The following TOMM20L variants were observed in gnomAD, a reference collection of about 807,000 sequenced individuals.
TOMM20L encodes translocase of outer mitochondrial membrane 20 like.
A neutral mutation model predicts 20.4 loss-of-function variants in TOMM20L; 19 were observed. The observed-to-expected ratio is 0.93, with a 90% CI of 0.65 to 1.36. The LOEUF (loss-of-function observed/expected upper bound fraction) is 1.36, where lower values mean the gene tolerates loss of function less well. Among genes scored for constraint, TOMM20L ranks in the 40% most tolerant of loss-of-function variants. The pLI, the probability that TOMM20L is intolerant of heterozygous loss-of-function variation, is 0.00. For missense variants in TOMM20L, 218 were observed against 203.7 expected, an observed-to-expected ratio of 1.07 and a Z score of -0.43; for synonymous variants, 75 against 79.6, an observed-to-expected ratio of 0.94 and a Z score of 0.30.
chr14:58,405,165 ACCATGTT>A lies in TOMM20L; in HGVS notation c.263-2160_263-2154del, dbSNP rs1458577508. Among the ~76,000 whole-genome samples, 3 of 152,062 alleles carry A rather than the reference ACCATGTT, an allele frequency of 2.0e-5. No homozygotes were observed. In the East Asian group the frequency reaches 5.8e-4, roughly 29 times the overall value. On this transcript the variant is annotated intron_variant, in intron 3 of 4. Coordinates refer to ENST00000360945, the MANE Select transcript of TOMM20L (RefSeq NM_207377.3). Reference sequence around the variant, plus strand: ...GTATTCTTAGTAGACACAGGGTTTCACCATGTTGGTCAGGCTGGTCTCAAACTCCTGG... The same window carrying A: ...GTATTCTTAGTAGACACAGGGTTTCAGGTCAGGCTGGTCTCAAACTCCTGG...
chr14:58,401,944 A>C (rs976824540), intron 2 of TOMM20L, among the ~76,000 whole-genome samples: 3 of 152,216 alleles, frequency 2.0e-5, no homozygotes, highest in Middle Eastern at 3.2e-3. Flanking sequence ...TTACTGCTAC[A>C]TGAACAGGTC....
chr14:58,412,099 T>C (rs1410281637), downstream of TOMM20L: 12 of 657,636 alleles, frequency 1.8e-5, no homozygotes, highest in Admixed American at 5.4e-5. Context: ...CCACCCCCAA[T>C]TTCTCAGATC....
chr14:58,401,635 A>G (rs1357299183), intron 2 of TOMM20L, among the ~76,000 whole-genome samples: 1 of 151,772 alleles, frequency 6.6e-6, no homozygotes, highest in Non-Finnish European at 1.5e-5. Flanking sequence ...TTAGTGGGGG[A>G]AAACAAAAAC....
chr14:58,408,454 C>G, intron 4 of TOMM20L, 75 bp from the exon 5 acceptor site: 1 of 1,377,914 alleles, frequency 7.3e-7, no homozygotes, highest in Non-Finnish European at 1.0e-6. Context: ...GTAATGCCCA[C>G]CCTGACACAA....
At position 58,407,427 on chromosome 14, in the gene TOMM20L, G is replaced by A; in HGVS notation, c.364G>A (p.Val122Ile). ...KVFKHTLPPK[V>I]FEMLLHKIPL... ...TTTCAAACACACTCTCCCTCCCAAG[G>A]TATTTGAGATGCTGTTGCACAAAAT... is the stretch of plus-strand genomic sequence containing the variant. The change falls in exon 4 of 5, where the codon GTA becomes ATA. Residue 122 changes from valine (V) to isoleucine (I), a missense_variant. Val to Ile is a conservative substitution (Grantham distance 29). Transcript: ENST00000360945. 6.2e-7 allele frequency: 1 copy of A among 1,613,442 alleles called. No individual in the cohort carries two copies. The highest frequency in any genetic ancestry group is 8.5e-7 in the Non-Finnish European group (1 of 1,179,844).
intron 2 of TOMM20L, among the ~76,000 whole-genome samples, chr14:58,397,294 CTG>C (rs1413301716): frequency 1.3e-5 from 2 of 151,888 alleles, no homozygotes; most frequent in African/African-American, 4.8e-5. Flanking sequence ...GTGTGTGTGT[CTG>C]TGTATAGAGA....
chr14:58,397,108 G>T (rs986712023), intron 2 of TOMM20L, among the ~76,000 whole-genome samples: 3 of 152,210 alleles, frequency 2.0e-5, no homozygotes, highest in African/African-American at 4.8e-5. Flanking sequence ...TGCCCAGGCT[G>T]AACTAGAACT....
chr14:58,397,017 C>A (rs1016314688), intron 2 of TOMM20L, among the ~76,000 whole-genome samples: 1 of 152,130 alleles, frequency 6.6e-6, no homozygotes, highest in Non-Finnish European at 1.5e-5. Flanking sequence ...TTGCTTGAGT[C>A]CGGGAGGTGG....
the TOMM20L span, among the ~76,000 whole-genome samples, chr14:58,416,359 A>T: frequency 6.6e-6 from 1 of 152,252 alleles, no homozygotes; most frequent in Non-Finnish European, 1.5e-5. Context: ...TTCTTTAGAA[A>T]CTATGGAGGC....
downstream of TOMM20L, among the ~76,000 whole-genome samples, chr14:58,412,354 A>T (rs1346579035): frequency 6.6e-6 from 1 of 152,114 alleles, no homozygotes; most frequent in African/African-American, 2.4e-5. Flanking sequence ...GTTGGCAAGG[A>T]TGGTCTCGAT....
At chr14:58,411,365 T>C (rs1037825609), downstream of TOMM20L, among the ~76,000 whole-genome samples, 2 of 151,896 alleles carry the variant, frequency 1.3e-5, no homozygotes, top group African/African-American at 4.8e-5. Flanking sequence ...GGAGAATTGC[T>C]TGGGCCCGGG....
chr14:58,402,773 A>G lies in TOMM20L; in HGVS notation c.262+12A>G. 6.3e-7 allele frequency: 1 copy of G among 1,595,718 alleles called. No homozygotes were observed. ...TTGGTTATCTAGAGGTAAGAATGTA[A>G]ATGTTCTTTTGTGAGTTATGACAGC... On this transcript the variant is annotated intron_variant, in intron 3 of 4. Transcript: ENST00000360945.
chr14:58,416,868 G>A, the TOMM20L span, among the ~76,000 whole-genome samples: 91 of 152,306 alleles, frequency 6.0e-4, no homozygotes, highest in Middle Eastern at 6.8e-3. Context: ...AGCACTTTGG[G>A]AGGCTGAGGT....
In TOMM20L at chr14:58,396,332, GGGCAC is replaced by G. The variant is rs760772539; in HGVS notation, c.173_177del (p.Gly58AlafsTer9). 1.4e-3 allele frequency: 2,268 copies of G among 1,613,342 alleles called. 3 individuals are homozygous for G. Among genetic ancestry groups the G allele is most frequent in the Admixed American group, 3.4e-3 (205 of 59,998 alleles). ...CAGAGCCTCAAAAGGCTGAGGAGCA[GGGCAC>G]GCAGGTGCAGTGCTTTCGATCCGCA... On this transcript the variant is annotated frameshift_variant, in exon 2 of 5. Coordinates refer to ENST00000360945, the MANE Select transcript of TOMM20L (RefSeq NM_207377.3). LOFTEE classifies it high-confidence loss of function.
downstream of TOMM20L, chr14:58,412,042 G>T: frequency 9.2e-7 from 1 of 1,086,094 alleles, no homozygotes. Context: ...AAGAGTTAGG[G>T]AATCACTGCT....
chr14:58,401,803 C>T (rs1479136079), intron 2 of TOMM20L, among the ~76,000 whole-genome samples: 3 of 152,104 alleles, frequency 2.0e-5, no homozygotes, highest in African/African-American at 4.8e-5. Context: ...ATGAACCAAC[C>T]GCAGTAAACC....
intron 4 of TOMM20L, among the ~76,000 whole-genome samples, chr14:58,407,964 TC>T (rs1288950323): frequency 6.6e-6 from 1 of 152,184 alleles, no homozygotes; most frequent in Non-Finnish European, 1.5e-5. Context: ...TAACTTTGGT[TC>T]CCTTTTTATC....
intron 2 of TOMM20L, chr14:58,398,890 AT>A (rs34697465): frequency 1.7e-3 from 251 of 145,780 alleles, no homozygotes; most frequent in Middle Eastern, 3.6e-3. Flanking sequence ...CTCTATTCTA[AT>A]TTTTTTTTTT....
downstream of TOMM20L, chr14:58,408,744 A>G (rs2036113236): frequency 2.7e-6 from 2 of 750,378 alleles, no homozygotes; most frequent in South Asian, 4.3e-5. Flanking sequence ...AACAGTCACA[A>G]TTGAAGAAAC....
Sources: allele counts gnomAD v4.1 joint callset (sites outside exome capture counted in the v4.1 genomes callset), GRCh38; gene constraint gnomAD v4.1.1; transcripts MANE v1.5; gene names NCBI Gene and HGNC (gene_info 2026-07-23, HGNC 2026-07-21).